Variants in SLC5A5 observed in about 807,000 individuals in gnomAD.
SLC5A5 encodes the protein sodium/iodide cotransporter.
A neutral mutation model predicts 68.6 loss-of-function variants in SLC5A5; 56 were observed. The ratio of observed to expected loss-of-function variants is 0.82; its 90% CI spans 0.66 to 1.02. The LOEUF (loss-of-function observed/expected upper bound fraction) is 1.02. Ranked by LOEUF, SLC5A5 falls within the 50% of genes least tolerant of loss-of-function variation. The pLI, the probability that SLC5A5 is intolerant of heterozygous loss-of-function variation, is 0.00. For missense variants in SLC5A5, 807 were observed against 859.8 expected, an observed-to-expected ratio of 0.94 and a Z score of 0.77; for synonymous variants, 398 against 373.0, an observed-to-expected ratio of 1.07 and a Z score of -0.77.
rs751283532 is a variant in SLC5A5, at chr19:17,888,398, G to A, written c.1594G>A (p.Gly532Ser). The A allele has an allele frequency of 1.9e-5, 31 of 1,613,638 alleles. No homozygotes were observed. Among genetic ancestry groups the A allele is most frequent in the Non-Finnish European group, 2.5e-5 (30 of 1,179,986 alleles). Residue 532 changes from glycine to serine, a missense_variant, in exon 13 of 15, where the codon GGT (glycine) becomes AGT (serine). Coordinates refer to ENST00000222248, the MANE Select transcript of SLC5A5 (RefSeq NM_000453.3). The stretch of plus-strand genomic sequence containing the variant: ...CTATGCCATCTCCTATCTCTATTAC[G>A]GTGCCCTGGGCACGCTGACCACTGT... ...SFYAISYLYY[G>S]ALGTLTTVLC...
At chr19:17,876,231 A>C in intron 5 of SLC5A5, 125 bp downstream of exon 5, 1 of 953,944 alleles carries the variant, frequency 1.0e-6, no homozygotes, top group East Asian at 2.6e-5. Context: ...GGAGTTCAAG[A>C]CCAGCCTGGG....
intron 12 of SLC5A5, 64 bp from the exon 13 acceptor site, chr19:17,888,267 A>G: frequency 2.5e-6 from 4 of 1,603,482 alleles, no homozygotes; most frequent in African/African-American, 1.3e-5. Context: ...TGAGGTTGGA[A>G]CAGCTTTTGA....
chr19:17,874,618 T>G, intron 3 of SLC5A5, 46 bp from the exon 4 acceptor site: 2 of 1,612,400 alleles, frequency 1.2e-6, no homozygotes, highest in Non-Finnish European at 1.7e-6. Flanking sequence ...AAGACTAAGT[T>G]TGCGCCCCGC....
intron 12 of SLC5A5, among the ~76,000 whole-genome samples, chr19:17,886,425 A>G (rs1411863368): frequency 2.0e-5 from 3 of 149,328 alleles, no homozygotes; most frequent in Non-Finnish European, 3.0e-5. Flanking sequence ...CTCCCGCTTC[A>G]GCCTCCCGAG....
chr19:17,884,553 C>T (rs1395879546), intron 12 of SLC5A5, among the ~76,000 whole-genome samples: 1 of 151,676 alleles, frequency 6.6e-6, no homozygotes, highest in Non-Finnish European at 1.5e-5. Context: ...AGGTGGATCA[C>T]CTGAGGTCAG....
In SLC5A5 at chr19:17,894,597, G is replaced by A. The variant is rs186287175; in HGVS notation, c.*720G>A. On this transcript the variant is annotated 3_prime_UTR_variant, in exon 15 of 15. Transcript: ENST00000222248. ...GATCCTCCTGCCTTGGCCTCCCAAAGGGCTGGGATTACAGGGGTGAGCCAC... is the reference window on the plus strand; with the variant it reads ...GATCCTCCTGCCTTGGCCTCCCAAAAGGCTGGGATTACAGGGGTGAGCCAC... 8.1e-3 allele frequency: 1,238 copies of A among 152,512 alleles called. 10 individuals carry two copies. Among genetic ancestry groups the A allele is most frequent in the Middle Eastern group, 0.03 (9 of 298 alleles). 9.4% of individuals were successfully genotyped at this position (152,512 alleles called of 1,614,324 possible). A position where few individuals can be genotyped will look rare whatever the true frequency, so the allele number is the denominator to read the frequency against.
At position 17,877,741 on chromosome 19, in the gene SLC5A5, G is replaced by A; in HGVS notation, c.717G>A (p.Arg239=). ...INLMDFNPDP[R]SRYTFWTFVV... The stretch of plus-strand genomic sequence containing the variant: ...CACCCAGCTTTAACCCTGACCCGAG[G>A]AGCCGCTATACATTCTGGACTTTTG... Residue 239 remains arginine, a synonymous_variant, in exon 6 of 15, where the codon AGG becomes AGA. Coordinates refer to ENST00000222248, the MANE Select transcript of SLC5A5 (RefSeq NM_000453.3). 6.2e-7 allele frequency: 1 copy of A among 1,614,186 alleles called. No homozygotes were observed. The highest frequency in any genetic ancestry group is 8.5e-7 in the Non-Finnish European group (1 of 1,180,012).
chr19:17,872,695 G>A lies in SLC5A5; in HGVS notation c.357+19G>A, dbSNP rs2094297345. ...CTACGAGGTACCGGACAGAGGCCCG[G>A]GGGTAGGACCTGCCCCACTGGCAGT... On this transcript the variant is annotated intron_variant, in intron 1 of 14. Transcript: ENST00000222248. The A allele has an allele frequency of 2.7e-6, 4 of 1,463,256 alleles. No individual in the cohort carries two copies. The highest frequency in any genetic ancestry group is 3.8e-6 in the Non-Finnish European group (4 of 1,051,522). 90.6% of individuals were successfully genotyped at this position (1,463,256 alleles called of 1,614,324 possible).
rs984811066 is a variant in SLC5A5 at position 17,883,668 on chromosome 19, C to T, written c.1243-13C>T. ...GGCTCCGCCCTCAGCCCCACTTCCACCTACTCTCCCAGGGCTCCTTCACCG... is the reference window on the plus strand; with the variant it reads ...GGCTCCGCCCTCAGCCCCACTTCCATCTACTCTCCCAGGGCTCCTTCACCG... On this transcript the variant is annotated splice_polypyrimidine_tract_variant and intron_variant, in intron 10 of 14. Coordinates refer to ENST00000222248, the MANE Select transcript of SLC5A5 (RefSeq NM_000453.3). The T allele has an allele frequency of 1.9e-6, 3 of 1,610,712 alleles. No individual in the cohort carries two copies. The highest frequency in any genetic ancestry group is 1.3e-5 in the African/African-American group (1 of 74,868).
At chr19:17,883,325 C>A (rs976902596) in intron 10 of SLC5A5, among the ~76,000 whole-genome samples, 3 of 148,236 alleles carry the variant, frequency 2.0e-5, no homozygotes, top group Admixed American at 6.7e-5. Context: ...GGGGAGGTGG[C>A]GACAGAAAGG....
At position 17,874,571 on chromosome 19, in the gene SLC5A5, C is replaced by T. The variant is rs199675608; in HGVS notation, c.475+26C>T. The T allele has an allele frequency of 5.8e-4, 937 of 1,613,162 alleles. 10 individuals are homozygous for T. Among genetic ancestry groups the T allele is most frequent in the Non-Finnish European group, 1.6e-4 (183 of 1,179,334 alleles). On this transcript the variant is annotated intron_variant, in intron 3 of 14. Transcript: ENST00000222248. ...GTGTGACTCTGGGAGATTAGGGAAG[C>T]ATGTCTGGGAAGAGAAAGGGAGGGA...
chr19:17,880,284 C>T (rs375298266), intron 7 of SLC5A5, among the ~76,000 whole-genome samples: 4 of 151,468 alleles, frequency 2.6e-5, no homozygotes, highest in Non-Finnish European at 5.9e-5. Context: ...GCGCGATCTC[C>T]GCTCGCTGCA....
intron 7 of SLC5A5, among the ~76,000 whole-genome samples, chr19:17,878,458 T>G (rs1258998025): frequency 6.6e-6 from 1 of 151,100 alleles, no homozygotes; most frequent in Non-Finnish European, 1.5e-5. Context: ...TGAAGGGAGA[T>G]CGCACCACTA....
In SLC5A5 at chr19:17,872,107, C is replaced by T; in HGVS notation, c.-213C>T. 1.7e-6 allele frequency: 1 copy of T among 576,476 alleles called. No individual in the cohort carries two copies. The highest frequency in any genetic ancestry group is 3.1e-6 in the Non-Finnish European group (1 of 324,736). 35.7% of individuals were successfully genotyped at this position (576,476 alleles called of 1,614,324 possible). A position where few individuals can be genotyped will look rare whatever the true frequency, so the allele number is the denominator to read the frequency against. On this transcript the variant is annotated 5_prime_UTR_variant, in exon 1 of 15. Transcript: ENST00000222248. ...CGGACGCAGAGACAGACAGCGGGGA[C>T]AGGGAGGCCGACACGGACATCGACA...
intron 10 of SLC5A5, among the ~76,000 whole-genome samples, chr19:17,883,196 G>C (rs938607086): frequency 1.3e-5 from 2 of 151,648 alleles, no homozygotes; most frequent in Non-Finnish European, 2.9e-5. Context: ...CTGGCCTCAA[G>C]CAACCACCCG....
At chr19:17,893,591 A>G (rs1377537943) in intron 14 of SLC5A5, 122 bp from the exon 15 acceptor site, 4 of 945,362 alleles carry the variant, frequency 4.2e-6, no homozygotes, top group Non-Finnish European at 6.7e-6. Flanking sequence ...AGGGGATAGT[A>G]TGCAATTCTG....
At chr19:17,893,601 G>A in intron 14 of SLC5A5, 112 bp from the exon 15 acceptor site, 1 of 1,066,476 alleles carries the variant, frequency 9.4e-7, no homozygotes, top group Non-Finnish European at 1.4e-6. Context: ...ATGCAATTCT[G>A]TGCACGCCCC....
Position 17,872,495 on chromosome 19 carries a change from T to A in SLC5A5, c.176T>A (p.Val59Glu). Residue 59 changes from valine to glutamate, a missense_variant, in exon 1 of 15, where the codon GTG (valine) becomes GAG (glutamate). Val to Glu is a moderately radical substitution (Grantham distance 121). Transcript: ENST00000222248. The part of the protein sequence containing the change: ...TGGRRLAALP[V>E]GLSLSASFMS... ...GGCCGGCGCCTGGCGGCCCTGCCCG[T>A]GGGCCTGTCGCTGTCTGCCAGCTTC... 6.2e-7 allele frequency: 1 copy of A among 1,612,456 alleles called. No individual in the cohort carries two copies. The highest frequency in any genetic ancestry group is 2.2e-5 in the East Asian group (1 of 44,842).
At chr19:17,891,622 G>A (rs1220478212) in intron 14 of SLC5A5, among the ~76,000 whole-genome samples, 1 of 152,204 alleles carries the variant, frequency 6.6e-6, no homozygotes. Context: ...TGAAACTGGT[G>A]TGCTGTTAGG....
Sources: allele counts gnomAD v4.1 joint callset (sites outside exome capture counted in the v4.1 genomes callset), GRCh38; gene constraint gnomAD v4.1.1; transcripts MANE v1.5; gene names NCBI Gene and HGNC (gene_info 2026-07-23, HGNC 2026-07-21).